The following SLC8B1 variants were observed in gnomAD, a reference collection of about 807,000 sequenced individuals.
The protein encoded by SLC8B1 is solute carrier family 8 member B1.
Under a neutral mutation model 63.4 loss-of-function variants are expected in SLC8B1, and 52 were observed. The ratio of observed to expected loss-of-function variants is 0.82; its 90% CI spans 0.66 to 1.03. The LOEUF is 1.03. Among genes scored for constraint, SLC8B1 ranks in the 50% least tolerant of loss-of-function variants. SLC8B1 has a pLI of 0.00. For synonymous variants in SLC8B1, 336 were observed against 323.9 expected (o/e 1.04, Z -0.40); for missense variants, 657 against 741.7 (o/e 0.89, Z 1.33).
intron 11 of SLC8B1, among the ~76,000 whole-genome samples, chr12:113,312,610 C>T (rs902568245): frequency 6.6e-6 from 1 of 152,206 alleles, no homozygotes; most frequent in African/African-American, 2.4e-5. Flanking sequence ...GGGGTTTTCT[C>T]TAGACAGTGC....
intron 2 of SLC8B1, among the ~76,000 whole-genome samples, chr12:113,325,672 C>A (rs1421037306): frequency 6.6e-6 from 1 of 151,824 alleles, no homozygotes; most frequent in Non-Finnish European, 1.5e-5. Context: ...TCACACCATT[C>A]TCCTGCCTCA....
chr12:113,314,536 A>C (rs1031881223), intron 11 of SLC8B1, among the ~76,000 whole-genome samples: 1 of 152,216 alleles, frequency 6.6e-6, no homozygotes, highest in Non-Finnish European at 1.5e-5. Context: ...GAGCAGGACA[A>C]GAAAGAAAAG....
At chr12:113,314,146 G>A (rs1956801461) in intron 11 of SLC8B1, among the ~76,000 whole-genome samples, 1 of 152,292 alleles carries the variant, frequency 6.6e-6, no homozygotes, top group African/African-American at 2.4e-5. Flanking sequence ...ATGGAGGGCT[G>A]TGATGAACCA....
intron 12 of SLC8B1, 113 bp from the exon 13 acceptor site, chr12:113,307,957 T>G: frequency 7.6e-7 from 1 of 1,319,010 alleles, no homozygotes; most frequent in Non-Finnish European, 1.0e-6. Context: ...GAGCTTATTA[T>G]GAGTATAAAA....
chr12:113,310,192 A>G, intron 12 of SLC8B1, 42 bp downstream of exon 12: 2 of 1,600,886 alleles, frequency 1.2e-6, no homozygotes, highest in African/African-American at 1.3e-5. Flanking sequence ...GGGAGACATC[A>G]GCATCCCTCC....
intron 14 of SLC8B1, 38 bp downstream of exon 14, chr12:113,306,457 C>A: frequency 1.3e-6 from 2 of 1,540,488 alleles, no homozygotes; most frequent in Non-Finnish European, 1.8e-6. Flanking sequence ...ACGGCTGTGA[C>A]ACCAGTGCTA....
chr12:113,307,382 C>A (rs565809316), intron 13 of SLC8B1, among the ~76,000 whole-genome samples: 1 of 152,212 alleles, frequency 6.6e-6, no homozygotes, highest in African/African-American at 2.4e-5. Context: ...ATGTCACACA[C>A]CCGTGTACAC....
chr12:113,317,087 T>G, intron 8 of SLC8B1, 86 bp from the exon 9 acceptor site: 1 of 1,128,692 alleles, frequency 8.9e-7, no homozygotes, highest in Non-Finnish European at 1.3e-6. Context: ...GGGGTGCAAG[T>G]GTTCAGGCCA....
At chr12:113,311,992 C>G (rs929186289) in intron 11 of SLC8B1, among the ~76,000 whole-genome samples, 2 of 151,942 alleles carry the variant, frequency 1.3e-5, no homozygotes, top group Non-Finnish European at 2.9e-5. Flanking sequence ...TAGGAGGTGG[C>G]TGGGGCGTGA....
At chr12:113,316,012 C>T (rs1459234151) in intron 10 of SLC8B1, among the ~76,000 whole-genome samples, 2 of 152,138 alleles carry the variant, frequency 1.3e-5, no homozygotes, top group East Asian at 3.9e-4. Context: ...ATCACGAGGT[C>T]AGGAGATTGA....
chr12:113,306,417 C>G (rs141705555), intron 14 of SLC8B1, 78 bp downstream of exon 14: 1 of 1,273,172 alleles, frequency 7.9e-7, no homozygotes. Context: ...GAACCAATCC[C>G]CAGGGTGGGG....
chr12:113,300,137 C>T (rs77611801), intron 15 of SLC8B1, among the ~76,000 whole-genome samples, 163 bp from the exon 16 acceptor site: 1 of 131,452 alleles, frequency 7.6e-6, no homozygotes, highest in Non-Finnish European at 1.7e-5. Context: ...CAACAACAAT[C>T]CAGCCTCAAC....
In SLC8B1 at chr12:113,318,951, T is replaced by C. The variant is rs371176611; in HGVS notation, c.802+13A>G. ...CCCACTGGTCCTCTCTGGGGTCCGATGCAGACTCTTACCTGGAGTAACTGG... is the reference window on the plus strand; with the variant it reads ...CCCACTGGTCCTCTCTGGGGTCCGACGCAGACTCTTACCTGGAGTAACTGG... On this transcript the variant is annotated intron_variant, in intron 8 of 15. Coordinates refer to ENST00000680972, the MANE Select transcript of SLC8B1 (RefSeq NM_001358345.2). 5.6e-6 allele frequency: 9 copies of C among 1,610,910 alleles called. No individual in the cohort carries two copies. In the African/African-American group the frequency reaches 8.0e-5, roughly 14 times the overall value.
chr12:113,315,104 G>T (rs560098806), intron 11 of SLC8B1, among the ~76,000 whole-genome samples: 388 of 152,324 alleles, frequency 2.5e-3, no homozygotes, highest in Non-Finnish European at 4.0e-3. Context: ...TGGCCAACAT[G>T]GTGAAACCCC....
chr12:113,299,917 CG>C lies in SLC8B1; in HGVS notation c.1614del (p.Val539SerfsTer27). The C allele has an allele frequency of 6.2e-7, 1 of 1,614,148 alleles. No individual in the cohort carries two copies. On this transcript the variant is annotated frameshift_variant, in exon 16 of 16. Coordinates refer to ENST00000680972, the MANE Select transcript of SLC8B1 (RefSeq NM_001358345.2). LOFTEE classifies it high-confidence loss of function. Reference protein sequence around the residue: ...WVLAGALGLSLVFSLVSVPLQ... With the variant: ...WVLAGALGLSXVFSLVSVPLQ... ...AATGGGACTGAGACCAGGGAGAAGACGAGGCTGAGCCCCAGGGCGCCTGCCA... is the reference window on the plus strand; with the variant it reads ...AATGGGACTGAGACCAGGGAGAAGACAGGCTGAGCCCCAGGGCGCCTGCCA...
rs770542281 is a variant in SLC8B1, at chr12:113,307,817, T to C, written c.1285A>G (p.Ser429Gly). 1.5e-4 allele frequency: 250 copies of C among 1,613,176 alleles called. No homozygotes were observed. The highest frequency in any genetic ancestry group is 1.9e-4 in the Non-Finnish European group (230 of 1,180,018). Residue 429 changes from serine to glycine, a missense_variant, in exon 13 of 16, where the codon AGC becomes GGC. By Grantham distance (56) the Ser-to-Gly change is moderately conservative (BLOSUM62 0). Transcript: ENST00000680972. ...GCGGCCGCGTTGATCCACAGGGCGCTGGTCAGAAAGCCCAGGAAAGCAAAG... is the reference window on the plus strand; with the variant it reads ...GCGGCCGCGTTGATCCACAGGGCGCCGGTCAGAAAGCCCAGGAAAGCAAAG... ...WLFAFLGFLT[S>G]ALWINAAATE...
chr12:113,324,418 T>C (rs1229289989), intron 2 of SLC8B1, among the ~76,000 whole-genome samples: 1 of 146,770 alleles, frequency 6.8e-6, no homozygotes, highest in Non-Finnish European at 1.5e-5. Flanking sequence ...TTTTTTTTTT[T>C]TTTTTGGAGA....
chr12:113,316,702 C>A, intron 9 of SLC8B1, 46 bp from the exon 10 acceptor site: 1 of 1,603,590 alleles, frequency 6.2e-7, no homozygotes, highest in South Asian at 1.1e-5. Context: ...GGCTGACTTG[C>A]TCTCCAGGAA....
chr12:113,310,501 C>T, intron 11 of SLC8B1, 146 bp from the exon 12 acceptor site: 1 of 1,030,356 alleles, frequency 9.7e-7, no homozygotes, highest in Non-Finnish European at 1.3e-6. Context: ...TAAAATGCAG[C>T]CCCTGCCCTC....
Sources: allele counts gnomAD v4.1 joint callset (sites outside exome capture counted in the v4.1 genomes callset), GRCh38; gene constraint gnomAD v4.1.1; transcripts MANE v1.5; gene names NCBI Gene and HGNC (gene_info 2026-07-23, HGNC 2026-07-21).